Variants in FTO observed in about 807,000 individuals in gnomAD.
FTO encodes alpha-ketoglutarate-dependent dioxygenase FTO.
Under a neutral mutation model 63.9 loss-of-function variants are expected in FTO, and 47 were observed. That is an observed-to-expected ratio of 0.74 (90% CI 0.58 to 0.94). The LOEUF (loss-of-function observed/expected upper bound fraction) is 0.94, where lower values mean the gene tolerates loss of function less well. Ranked by LOEUF, FTO falls within the 40% of genes least tolerant of loss-of-function variation. The pLI is 0.00. For missense variants in FTO, 562 were observed against 618.1 expected (o/e 0.91, Z 0.96); for synonymous variants, 207 against 224.4 (o/e 0.92, Z 0.69).
chr16:53,744,582 A>G (rs999596379), intron 1 of FTO, among the ~76,000 whole-genome samples: 2 of 152,154 alleles, frequency 1.3e-5, no homozygotes, highest in African/African-American at 4.8e-5. Flanking sequence ...CAGCACTAAC[A>G]GGTACACCCA....
intron 1 of FTO, among the ~76,000 whole-genome samples, chr16:53,718,907 G>T (rs954713053): frequency 6.6e-6 from 1 of 152,144 alleles, no homozygotes; most frequent in African/African-American, 2.4e-5. Context: ...TATGGAAACC[G>T]CAGAGTGGTA....
chr16:53,717,197 T>A (rs2075914733), intron 1 of FTO, among the ~76,000 whole-genome samples: 1 of 152,046 alleles, frequency 6.6e-6, no homozygotes, highest in South Asian at 2.1e-4. Context: ...GATTTTTGGT[T>A]CTCATTGTCA....
At chr16:53,968,429 G>A (rs1567482289) in intron 8 of FTO, among the ~76,000 whole-genome samples, 1 of 152,152 alleles carries the variant, frequency 6.6e-6, no homozygotes, top group Non-Finnish European at 1.5e-5. Context: ...ATAAAACCAA[G>A]TACAGCACCA....
At chr16:53,950,072 A>ATT (rs71146713) in intron 8 of FTO, among the ~76,000 whole-genome samples, 6,230 of 130,084 alleles carry the variant, frequency 0.048, 386 homozygotes, top group African/African-American at 0.14. Flanking sequence ...TTATTTAAAC[A>ATT]TTTTTTTTTT....
intron 8 of FTO, among the ~76,000 whole-genome samples, chr16:54,089,174 G>C (rs899028446): frequency 1.3e-5 from 2 of 152,168 alleles, no homozygotes; most frequent in African/African-American, 2.4e-5. Context: ...AAGTCACCTA[G>C]CCAGATCTTA....
intron 8 of FTO, among the ~76,000 whole-genome samples, chr16:53,988,363 G>A (rs1168349006): frequency 3.3e-5 from 5 of 152,170 alleles, no homozygotes; most frequent in African/African-American, 1.2e-4. Context: ...GGAGGAGCCA[G>A]CTTTATTTTT....
intron 7 of FTO, among the ~76,000 whole-genome samples, chr16:53,913,693 C>T (rs1379974566): frequency 3.9e-5 from 6 of 152,040 alleles, no homozygotes; most frequent in Admixed American, 6.6e-5. Context: ...TAAAGCCACT[C>T]GTAGACCTGG....
chr16:53,950,168 A>AAAAAAC (rs1555497357), intron 8 of FTO, among the ~76,000 whole-genome samples: 3 of 147,848 alleles, frequency 2.0e-5, no homozygotes, highest in Non-Finnish European at 1.5e-5. Context: ...AAAAAAAAAA[A>AAAAAAC]AAAAAAAAAA....
At chr16:53,926,841 G>C (rs2082151710) in intron 7 of FTO, among the ~76,000 whole-genome samples, 1 of 151,694 alleles carries the variant, frequency 6.6e-6, no homozygotes, top group African/African-American at 2.4e-5. Flanking sequence ...CCCAGGCTAA[G>C]GAATTTGGAT....
At chr16:53,916,390 G>T (rs148480634) in intron 7 of FTO, among the ~76,000 whole-genome samples, 1 of 151,910 alleles carries the variant, frequency 6.6e-6, no homozygotes, top group Non-Finnish European at 1.5e-5. Flanking sequence ...CTAAATCACC[G>T]TTGGAATGAT....
At chr16:53,715,491 A>G (rs1472569504) in intron 1 of FTO, among the ~76,000 whole-genome samples, 1 of 152,228 alleles carries the variant, frequency 6.6e-6, no homozygotes, top group Non-Finnish European at 1.5e-5. Flanking sequence ...GATTGAACCC[A>G]TAGGCAGGAT....
intron 1 of FTO, among the ~76,000 whole-genome samples, chr16:53,800,772 A>C (rs12596054): frequency 0.14 from 21,055 of 152,072 alleles, 2,066 homozygotes; most frequent in East Asian, 0.51. Flanking sequence ...TTTGTCTGAT[A>C]TCAATATAGC....
chr16:53,879,726 G>T, intron 5 of FTO, 118 bp from the exon 6 acceptor site: 169 of 879,838 alleles, frequency 1.9e-4, no homozygotes, highest in Non-Finnish European at 2.7e-4. Flanking sequence ...AGTATAGACT[G>T]AGCCATGGGG....
chr16:53,919,952 C>A (rs1290341298), intron 7 of FTO, among the ~76,000 whole-genome samples: 3 of 152,134 alleles, frequency 2.0e-5, no homozygotes, highest in Admixed American at 1.3e-4. Context: ...TTCATGTAAC[C>A]AAACACCACC....
chr16:54,099,773 G>A (rs1488840660), intron 8 of FTO, among the ~76,000 whole-genome samples: 1 of 152,186 alleles, frequency 6.6e-6, no homozygotes, highest in East Asian at 1.9e-4. Flanking sequence ...CACAGTCCCT[G>A]AAGTAGGGGG....
intron 1 of FTO, among the ~76,000 whole-genome samples, chr16:53,801,544 G>A (rs2078224594): frequency 6.6e-6 from 1 of 151,878 alleles, no homozygotes; most frequent in African/African-American, 2.4e-5. Flanking sequence ...TAAGTATTCA[G>A]ATTTTTATCT....
rs1427450710 is a variant in FTO, at chr16:53,825,807, A to G, written c.124-57A>G. 7 of 1,592,774 alleles carry G rather than the reference A, an allele frequency of 4.4e-6. No individual in the cohort carries two copies. In the Admixed American group the frequency reaches 5.0e-5, roughly 11 times the overall value. On this transcript the variant is annotated intron_variant, in intron 2 of 8. Transcript: ENST00000471389. ...TGCTTACAAAGAAACACACCTTTGGAAATAATACAATTGTAGCTATATATC... is the reference window on the plus strand; with the variant it reads ...TGCTTACAAAGAAACACACCTTTGGGAATAATACAATTGTAGCTATATATC...
In FTO at chr16:53,727,118, A is replaced by G. The variant is rs114367315; in HGVS notation, c.45+22889A>G. Among the ~76,000 whole-genome samples, 669 of 152,156 alleles carry G rather than the reference A, an allele frequency of 4.4e-3. 3 individuals are homozygous for G. The highest frequency in any genetic ancestry group is 0.015 in the African/African-American group (637 of 41,506). ...TCTTTTGGCTAAATATATTCAGATG[A>G]CTTTCACAGGGCCAAGAGGTTGAAT... On this transcript the variant is annotated intron_variant, in intron 1 of 8. Transcript: ENST00000471389.
intron 1 of FTO, among the ~76,000 whole-genome samples, chr16:53,739,541 A>G (rs575029947): frequency 5.0e-4 from 76 of 152,274 alleles, no homozygotes; most frequent in African/African-American, 1.8e-3. Context: ...TGAAAACCCC[A>G]AGGCAACAGA....
Sources: gnomAD v4.1 joint callset for allele counts (sites outside exome capture counted in the v4.1 genomes callset) on GRCh38, gnomAD v4.1.1 for gene constraint, MANE v1.5 for transcripts, NCBI Gene and HGNC (gene_info 2026-07-23, HGNC 2026-07-21) for gene names.